IL2RB: variants seen among roughly 807,000 people sequenced by gnomAD.
The protein encoded by IL2RB is interleukin-2 receptor subunit beta.
Under a neutral mutation model 44.2 loss-of-function variants are expected in IL2RB, and 17 were observed. That is an observed-to-expected ratio of 0.38 (90% CI 0.26 to 0.58). The LOEUF is 0.58. Among genes scored for constraint, IL2RB ranks in the 20% least tolerant of loss-of-function variants. IL2RB has a pLI of 0.63. For synonymous variants in IL2RB, 286 were observed against 297.9 expected, an observed-to-expected ratio of 0.96 and a Z score of 0.41; for missense variants, 624 against 685.5, an observed-to-expected ratio of 0.91 and a Z score of 1.00.
chr22:37,128,447 G>C lies in IL2RB; in HGVS notation c.1305C>G (p.Leu435=), dbSNP rs768964296. ...CAGTGCTTGGGGGGCTGGGGCCACCGAGGAGACTGGGGGAGAAGAGCAGCA... is the reference window on the plus strand; with the variant it reads ...CAGTGCTTGGGGGGCTGGGGCCACCCAGGAGACTGGGGGAGAAGAGCAGCA... ...DDLLLFSPSL[L]GGPSPPSTAP... The change falls in exon 10 of 10, where the codon CTC becomes CTG. Residue 435 remains leucine, a synonymous_variant. Transcript: ENST00000216223. The surrounding 1 kb of genome is among the most constrained non-coding windows in gnomAD (Gnocchi z 4.5). The C allele has an allele frequency of 7.1e-5, 111 of 1,554,754 alleles. No homozygotes were observed. In the Middle Eastern group the frequency reaches 1.7e-3, roughly 24 times the overall value.
intron 3 of IL2RB, among the ~76,000 whole-genome samples, chr22:37,143,001 C>T (rs904119536): frequency 6.6e-6 from 1 of 151,970 alleles, no homozygotes; most frequent in African/African-American, 2.4e-5. Flanking sequence ...TCTCCCTGAC[C>T]CCATCAAGCC....
At chr22:37,167,214 G>T (rs77069242) in intron 1 of IL2RB, among the ~76,000 whole-genome samples, 4,728 of 152,112 alleles carry the variant, frequency 0.031, 255 homozygotes, top group African/African-American at 0.11. Context: ...CCCACCCTCT[G>T]CCCCTCCTGT....
At chr22:37,172,215 T>TA (rs63579164) in intron 1 of IL2RB, among the ~76,000 whole-genome samples, 11,989 of 104,440 alleles carry the variant, frequency 0.11, 872 homozygotes, top group African/African-American at 0.21. Context: ...AAAGGTAAAG[T>TA]AAAAAAAAAA....
In IL2RB at chr22:37,135,145, C is replaced by T. The variant is rs564694416; in HGVS notation, c.818+183G>A. On this transcript the variant is annotated intron_variant, in intron 8 of 9. Transcript: ENST00000216223. ...CAGGGAGGACTCTTTGGAGGGTAGA[C>T]GAAGCACGGGTGTATCAGAGCAGGG... 3.3e-5 allele frequency among the ~76,000 whole-genome samples: 5 copies of T among 152,190 alleles called. No homozygotes were observed. In the South Asian group the frequency reaches 6.2e-4, roughly 19 times the overall value.
chr22:37,165,206 A>G (rs1301964984), intron 1 of IL2RB, among the ~76,000 whole-genome samples: 6 of 152,242 alleles, frequency 3.9e-5, no homozygotes, highest in Non-Finnish European at 8.8e-5. Context: ...GGCCTGGGCC[A>G]TCTGGCTCCT....
chr22:37,149,253 C>T (rs3218344), intron 1 of IL2RB, among the ~76,000 whole-genome samples: 3,984 of 152,288 alleles, frequency 0.026, 70 homozygotes, highest in Non-Finnish European at 0.041. Flanking sequence ...GAGGGACAAA[C>T]CCAGACTCAA....
intron 1 of IL2RB, chr22:37,161,909 A>T (rs1364512432): frequency 2.0e-5 from 3 of 152,252 alleles, no homozygotes; most frequent in Admixed American, 6.5e-5. Context: ...GTGTCGGAAC[A>T]TCGTGTCCAG....
upstream of IL2RB, among the ~76,000 whole-genome samples, chr22:37,153,695 T>A (rs188293819): frequency 1.3e-5 from 2 of 152,358 alleles, no homozygotes; most frequent in East Asian, 3.9e-4. Context: ...GGAACGCCGG[T>A]TGTCTCAGGG....
At chr22:37,138,922 G>A (rs1921829086) in intron 5 of IL2RB, 195 bp downstream of exon 5, 2 of 566,862 alleles carry the variant, frequency 3.5e-6, no homozygotes, top group South Asian at 2.2e-5. Context: ...GGAGGCCCAG[G>A]GCTGGATCCT....
intron 7 of IL2RB, among the ~76,000 whole-genome samples, chr22:37,135,928 C>T (rs3218303): frequency 0.026 from 3,933 of 152,176 alleles, 154 homozygotes; most frequent in African/African-American, 0.09. Flanking sequence ...CAGATCAGGC[C>T]GAGAGGTGAA....
chr22:37,169,123 G>T (rs142693522), intron 1 of IL2RB, among the ~76,000 whole-genome samples: 369 of 151,970 alleles, frequency 2.4e-3, no homozygotes, highest in African/African-American at 8.7e-3. Flanking sequence ...TTTTCAGAGG[G>T]GTTCTTGCTT....
chr22:37,146,913 G>T (rs1922255521), intron 1 of IL2RB, among the ~76,000 whole-genome samples: 1 of 152,212 alleles, frequency 6.6e-6, no homozygotes, highest in East Asian at 1.9e-4. Context: ...GGCCCCAAGA[G>T]CCATGGGTTC....
chr22:37,134,896 C>A (rs1235126005), intron 8 of IL2RB, among the ~76,000 whole-genome samples: 6 of 152,210 alleles, frequency 3.9e-5, no homozygotes, highest in Non-Finnish European at 8.8e-5. Flanking sequence ...AGCTCGTACT[C>A]AGTGAATATG....
At chr22:37,171,953 C>T (rs111785712) in intron 1 of IL2RB, among the ~76,000 whole-genome samples, 2,875 of 152,286 alleles carry the variant, frequency 0.019, 45 homozygotes, top group Middle Eastern at 0.031. Context: ...CCCCAATACA[C>T]TGTGTTTCCC....
intron 1 of IL2RB, among the ~76,000 whole-genome samples, chr22:37,168,348 C>T (rs1031410413): frequency 6.6e-6 from 1 of 152,134 alleles, no homozygotes; most frequent in Admixed American, 6.5e-5. Context: ...TGACAAAACA[C>T]AAAAACACAA....
At chr22:37,139,739 G>A (rs3218286) in intron 4 of IL2RB, among the ~76,000 whole-genome samples, 3,799 of 152,254 alleles carry the variant, frequency 0.025, 164 homozygotes, top group African/African-American at 0.087. Flanking sequence ...TGAATTTTCT[G>A]GAAGAAAATG....
chr22:37,146,489 C>G (rs1184632821), intron 1 of IL2RB, among the ~76,000 whole-genome samples: 1 of 152,224 alleles, frequency 6.6e-6, no homozygotes, highest in Admixed American at 6.5e-5. Context: ...GACCAGGAAA[C>G]CGACACTCAC....
At chr22:37,173,676 T>C (rs1227657660) in intron 1 of IL2RB, among the ~76,000 whole-genome samples, 1 of 152,110 alleles carries the variant, frequency 6.6e-6, no homozygotes, top group Non-Finnish European at 1.5e-5. Flanking sequence ...TTCAGTGACC[T>C]CCCCTCATTT....
chr22:37,165,287 G>C (rs75680301), intron 1 of IL2RB, among the ~76,000 whole-genome samples: 6 of 152,224 alleles, frequency 3.9e-5, no homozygotes, highest in African/African-American at 1.4e-4. Flanking sequence ...TTGAGCTATG[G>C]CTGGCCGCAT....
Sources: gnomAD v4.1 joint callset for allele counts (sites outside exome capture counted in the v4.1 genomes callset) on GRCh38, gnomAD v4.1.1 for gene constraint, Gnocchi (gnomAD v3.1) non-coding constraint, MANE v1.5 for transcripts, NCBI Gene and HGNC (gene_info 2026-07-23, HGNC 2026-07-21) for gene names.